KIF15: variants seen among roughly 807,000 people sequenced by gnomAD.
The protein encoded by KIF15 is kinesin-like protein KIF15.
Under a neutral mutation model 190.6 loss-of-function variants are expected in KIF15, and 140 were observed. The observed-to-expected ratio is 0.73, with a 90% CI of 0.64 to 0.84. The LOEUF (loss-of-function observed/expected upper bound fraction) is 0.84, where lower values mean the gene tolerates loss of function less well. Among genes scored for constraint, KIF15 ranks in the 40% least tolerant of loss-of-function variants. KIF15 has a pLI of 0.00. For missense variants in KIF15, 1,372 were observed against 1,584.4 expected (o/e 0.87, Z 2.28); for synonymous variants, 528 against 551.3 (o/e 0.96, Z 0.59).
intron 23 of KIF15, among the ~76,000 whole-genome samples, chr3:44,827,898 C>T (rs978479636): frequency 6.6e-6 from 1 of 151,916 alleles, no homozygotes; most frequent in African/African-American, 2.4e-5. Flanking sequence ...TGCCCAGGAT[C>T]GAACTCCTGA....
intron 6 of KIF15, chr3:44,864,452 A>G (rs1344527089): frequency 7.0e-7 from 1 of 1,429,140 alleles, no homozygotes; most frequent in Non-Finnish European, 9.6e-7. Context: ...GAACTGAAGC[A>G]GAGGTTGGGC....
chr3:44,857,215 T>C (rs1699198588), downstream of KIF15, among the ~76,000 whole-genome samples: 1 of 152,114 alleles, frequency 6.6e-6, no homozygotes, highest in Non-Finnish European at 1.5e-5. Context: ...AAATGGTAAC[T>C]GTGGGAGACT....
At chr3:44,840,191 C>T (rs531444352) in intron 27 of KIF15, among the ~76,000 whole-genome samples, 164 bp from the exon 28 acceptor site, 1 of 152,338 alleles carries the variant, frequency 6.6e-6, no homozygotes, top group African/African-American at 2.4e-5. Flanking sequence ...ACTTAACTTT[C>T]ATCTTTTTGA....
Position 44,762,791 on chromosome 3 carries a change from C to T in KIF15, c.19+907C>T, listed in dbSNP as rs146294457. On this transcript the variant is annotated intron_variant, in intron 1 of 34. Coordinates refer to ENST00000326047, the MANE Select transcript of KIF15 (RefSeq NM_020242.3). ...CGATCACACCTAATCGGAACACCTC[C>T]TTATGCTACCTTTTTGCATATAAAA... Among the ~76,000 whole-genome samples, 493 of 152,288 alleles carry T rather than the reference C, an allele frequency of 3.2e-3. 5 individuals are homozygous for T. The highest frequency in any genetic ancestry group is 0.012 in the African/African-American group (481 of 41,562).
In KIF15 at chr3:44,769,876, G is replaced by T. The variant is rs576439515; in HGVS notation, c.20-4519G>T. Among the ~76,000 whole-genome samples, 6 of 152,266 alleles carry T rather than the reference G, an allele frequency of 3.9e-5. No homozygotes were observed. In the South Asian group the frequency reaches 1.2e-3, roughly 32 times the overall value. ...GCTATAGTTATGTTTGCTAAGATTT[G>T]GGTGCATGGAGCTTGGCTTTGGTTA... is the stretch of plus-strand genomic sequence containing the variant. On this transcript the variant is annotated intron_variant, in intron 1 of 34. Transcript: ENST00000326047.
intron 10 of KIF15, 23 bp from the exon 11 acceptor site, chr3:44,800,291 C>T: frequency 6.2e-7 from 1 of 1,611,178 alleles, no homozygotes; most frequent in South Asian, 1.1e-5. Flanking sequence ...TATTTTAATG[C>T]TTTTTAAAAA....
chr3:44,840,519 GA>G, intron 28 of KIF15, 63 bp downstream of exon 28: 1 of 1,126,882 alleles, frequency 8.9e-7, no homozygotes, highest in East Asian at 2.4e-5. Flanking sequence ...TAAAAATTTG[GA>G]AATTAGGAAG....
chr3:44,866,131 G>C (rs1699320137), intron 6 of KIF15, among the ~76,000 whole-genome samples: 1 of 147,998 alleles, frequency 6.8e-6, no homozygotes, highest in Admixed American at 6.8e-5. Context: ...GGAGTGCAGT[G>C]GCGCAATCTC....
intron 11 of KIF15, 128 bp from the exon 12 acceptor site, chr3:44,801,321 TG>T (rs550283129): frequency 4.6e-5 from 25 of 541,136 alleles, no homozygotes; most frequent in Non-Finnish European, 8.4e-5. Flanking sequence ...CATGAGCCAC[TG>T]TGCCCGGCCA....
At chr3:44,796,074 G>A (rs1456049821) in intron 8 of KIF15, among the ~76,000 whole-genome samples, 8 of 152,154 alleles carry the variant, frequency 5.3e-5, no homozygotes, top group Admixed American at 5.2e-4. Flanking sequence ...TTTTGGCCAG[G>A]CTGGTCTTGA....
At chr3:44,862,060 G>T in intron 6 of KIF15, 1 of 1,325,548 alleles carries the variant, frequency 7.5e-7, no homozygotes, top group Non-Finnish European at 9.7e-7. Context: ...CTGTCTGTGC[G>T]CCGGCGCGTT....
At position 44,802,815 on chromosome 3, in the gene KIF15, T is replaced by C. The variant is rs1204268455; in HGVS notation, c.1511T>C (p.Ile504Thr). The C allele has an allele frequency of 1.9e-6, 3 of 1,562,728 alleles. No individual in the cohort carries two copies. Among genetic ancestry groups the C allele is most frequent in the Non-Finnish European group, 8.6e-7 (1 of 1,162,454 alleles). The change falls in exon 14 of 35, where the codon ATA becomes ACA. Residue 504 changes from isoleucine (I) to threonine (T), a missense_variant and splice_region_variant. Coordinates refer to ENST00000326047, the MANE Select transcript of KIF15 (RefSeq NM_020242.3). ...GCGTGTAATTCTTCTATGTCACAGATAGAGCACCACCCCAGAGTTGCAAAG... is the reference window on the plus strand; with the variant it reads ...GCGTGTAATTCTTCTATGTCACAGACAGAGCACCACCCCAGAGTTGCAAAG... ...RNEIQTLREQ[I>T]EHHPRVAKYA...
At chr3:44,861,023 C>T (rs1476174927) in intron 6 of KIF15, among the ~76,000 whole-genome samples, 2 of 152,018 alleles carry the variant, frequency 1.3e-5, no homozygotes, top group African/African-American at 4.8e-5. Flanking sequence ...ACGGAGTTCA[C>T]TCTTGTTGGC....
intron 6 of KIF15, chr3:44,864,270 G>T: frequency 1.2e-6 from 2 of 1,614,206 alleles, no homozygotes; most frequent in Non-Finnish European, 8.5e-7. Context: ...ACCTTCTTTA[G>T]CCGGGGCCTC....
intron 18 of KIF15, 135 bp downstream of exon 18, chr3:44,812,424 G>C: frequency 3.0e-6 from 2 of 659,586 alleles, no homozygotes; most frequent in Non-Finnish European, 5.4e-6. Flanking sequence ...GAAAGAAAAT[G>C]TTGTCACATG....
chr3:44,829,155 A>C (rs1697837986), intron 24 of KIF15, among the ~76,000 whole-genome samples: 1 of 151,888 alleles, frequency 6.6e-6, no homozygotes, highest in Non-Finnish European at 1.5e-5. Flanking sequence ...CAGAAGATCG[A>C]GACCATCCTG....
intron 26 of KIF15, among the ~76,000 whole-genome samples, chr3:44,836,225 G>A (rs1698303065): frequency 6.6e-6 from 1 of 152,038 alleles, no homozygotes; most frequent in South Asian, 2.1e-4. Flanking sequence ...GTGTGGTGGT[G>A]TACACCTGTA....
chr3:44,773,783 G>A (rs1170352197), intron 1 of KIF15, among the ~76,000 whole-genome samples: 1 of 152,178 alleles, frequency 6.6e-6, no homozygotes, highest in African/African-American at 2.4e-5. Flanking sequence ...AAATGATGCA[G>A]GATTTTTTGG....
At chr3:44,834,236 G>A (rs1190756590) in intron 26 of KIF15, among the ~76,000 whole-genome samples, 1 of 152,082 alleles carries the variant, frequency 6.6e-6, no homozygotes, top group Admixed American at 6.6e-5. Context: ...GAATTGTTCA[G>A]TATATTCAAA....
Sources: gnomAD v4.1 joint callset for allele counts (sites outside exome capture counted in the v4.1 genomes callset) on GRCh38, gnomAD v4.1.1 for gene constraint, MANE v1.5 for transcripts, NCBI Gene and HGNC (gene_info 2026-07-23, HGNC 2026-07-21) for gene names.